THSD7A: variants seen among roughly 807,000 people sequenced by gnomAD.
THSD7A encodes the protein thrombospondin type-1 domain-containing protein 7A.
In THSD7A, 96 loss-of-function variants were observed where a neutral mutation model predicts 231.3. The observed-to-expected ratio is 0.41, with a 90% confidence interval of 0.35 to 0.49. The LOEUF (loss-of-function observed/expected upper bound fraction) is 0.49. Ranked by LOEUF, THSD7A falls within the 20% of genes least tolerant of loss-of-function variation. The pLI, the probability that THSD7A is intolerant of heterozygous loss-of-function variation, is 0.05. For synonymous variants in THSD7A, 940 were observed against 743.3 expected, an observed-to-expected ratio of 1.26 and a Z score of -4.30; for missense variants, 2,290 against 2,070.2, an observed-to-expected ratio of 1.11 and a Z score of -2.06.
Position 11,638,837 on chromosome 7 carries a change from T to A in THSD7A, c.191-1876A>T, listed in dbSNP as rs149240995. Among the ~76,000 whole-genome samples the A allele has an allele frequency of 1.4e-3, 211 of 152,290 alleles. 1 individual carries two copies. Among genetic ancestry groups the A allele is most frequent in the African/African-American group, 4.7e-3 (197 of 41,570 alleles). On this transcript the variant is annotated intron_variant, in intron 1 of 27. Coordinates refer to ENST00000423059, the MANE Select transcript of THSD7A (RefSeq NM_015204.3). ...CCACCTAATAATATTTTAATCTTAT[T>A]TTTAACTTGCCAAAGAAAAAATATA...
chr7:11,784,491 A>G (rs1412625563), intron 1 of THSD7A, among the ~76,000 whole-genome samples: 1 of 151,644 alleles, frequency 6.6e-6, no homozygotes, highest in African/African-American at 2.4e-5. Flanking sequence ...GCTGCATTAA[A>G]CTTAATTTCT....
chr7:11,421,719 C>T (rs1009107562), intron 16 of THSD7A, among the ~76,000 whole-genome samples: 5 of 152,070 alleles, frequency 3.3e-5, no homozygotes, highest in African/African-American at 1.2e-4. Context: ...GCAAACTTTA[C>T]CTATTTGTAC....
chr7:11,462,474 C>T (rs1457753588), intron 9 of THSD7A, among the ~76,000 whole-genome samples: 1 of 152,140 alleles, frequency 6.6e-6, no homozygotes, highest in Non-Finnish European at 1.5e-5. Flanking sequence ...AATTTATTTT[C>T]CTCTACCTTA....
At chr7:11,447,106 A>G (rs1341232346) in intron 12 of THSD7A, 124 bp downstream of exon 12, 4 of 908,110 alleles carry the variant, frequency 4.4e-6, no homozygotes, top group Non-Finnish European at 6.6e-6. Flanking sequence ...CTAAATTTAA[A>G]ATATACATCT....
At chr7:11,544,783 A>G (rs936933643) in intron 4 of THSD7A, among the ~76,000 whole-genome samples, 1 of 151,842 alleles carries the variant, frequency 6.6e-6, no homozygotes, top group African/African-American at 2.4e-5. Context: ...AGTAGTGCTT[A>G]TCTCTCTCTC....
intron 1 of THSD7A, among the ~76,000 whole-genome samples, chr7:11,705,974 G>A (rs1490833196): frequency 6.6e-6 from 1 of 150,734 alleles, no homozygotes; most frequent in Non-Finnish European, 1.5e-5. Flanking sequence ...ATAAATAATA[G>A]CATTTCTGTT....
At chr7:11,488,520 C>A (rs1041141435) in intron 6 of THSD7A, among the ~76,000 whole-genome samples, 2 of 152,064 alleles carry the variant, frequency 1.3e-5, no homozygotes, top group African/African-American at 4.8e-5. Flanking sequence ...CATATTGCTT[C>A]ATTTTAAATA....
At chr7:11,784,853 G>A (rs552666286) in intron 1 of THSD7A, among the ~76,000 whole-genome samples, 8 of 151,960 alleles carry the variant, frequency 5.3e-5, no homozygotes, top group African/African-American at 9.7e-5. Flanking sequence ...CATAAATTCC[G>A]GGTGTGTGTT....
intron 1 of THSD7A, among the ~76,000 whole-genome samples, chr7:11,665,487 C>T (rs917021122): frequency 6.6e-6 from 1 of 152,166 alleles, no homozygotes; most frequent in Admixed American, 6.6e-5. Flanking sequence ...CTGCCACATA[C>T]ATTCCACACT....
At chr7:11,475,537 G>C (rs1786124977) in intron 7 of THSD7A, among the ~76,000 whole-genome samples, 1 of 150,072 alleles carries the variant, frequency 6.7e-6, no homozygotes, top group African/African-American at 2.4e-5. Context: ...TATTTACTTA[G>C]AAATCAGGGT....
chr7:11,783,658 T>G (rs761958019), intron 1 of THSD7A, among the ~76,000 whole-genome samples: 1 of 152,108 alleles, frequency 6.6e-6, no homozygotes, highest in Non-Finnish European at 1.5e-5. Context: ...CAGGTAAATA[T>G]AGATTTGGGC....
intron 27 of THSD7A, 114 bp from the exon 28 acceptor site, chr7:11,375,992 C>G (rs1235961942): frequency 2.3e-6 from 2 of 879,924 alleles, no homozygotes; most frequent in Admixed American, 2.2e-5. Flanking sequence ...GCCTCGTTGC[C>G]TGCGTTGCCT....
At chr7:11,818,375 G>A (rs1180064190) in intron 1 of THSD7A, among the ~76,000 whole-genome samples, 1 of 152,174 alleles carries the variant, frequency 6.6e-6, no homozygotes, top group East Asian at 1.9e-4. Context: ...GCTGTTAATA[G>A]TGTACTATAT....
chr7:11,747,935 T>C (rs1419274866), intron 1 of THSD7A, among the ~76,000 whole-genome samples: 3 of 151,964 alleles, frequency 2.0e-5, no homozygotes, highest in African/African-American at 7.2e-5. Flanking sequence ...AAACAATTTT[T>C]GCATGACAGA....
intron 13 of THSD7A, among the ~76,000 whole-genome samples, chr7:11,429,987 A>G (rs535356362): frequency 1.2e-4 from 19 of 152,336 alleles, no homozygotes; most frequent in African/African-American, 4.6e-4. Context: ...ATTAAACACT[A>G]TTATTCTCAA....
chr7:11,744,853 T>C (rs551973256), intron 1 of THSD7A, among the ~76,000 whole-genome samples: 2 of 152,252 alleles, frequency 1.3e-5, no homozygotes, highest in South Asian at 4.1e-4. Flanking sequence ...TTTTGGACAT[T>C]TGGCTTGGTT....
At chr7:11,641,173 G>A (rs1439252286) in intron 1 of THSD7A, among the ~76,000 whole-genome samples, 2 of 152,080 alleles carry the variant, frequency 1.3e-5, no homozygotes, top group Non-Finnish European at 2.9e-5. Context: ...TCACATACGT[G>A]TGTGTGTATA....
In THSD7A at chr7:11,734,139, A is replaced by G. The variant is rs189304153; in HGVS notation, c.191-97178T>C. 4.7e-4 allele frequency among the ~76,000 whole-genome samples: 71 copies of G among 152,082 alleles called. 1 individual carries two copies. The highest frequency in any genetic ancestry group is 3.4e-3 in the Middle Eastern group (1 of 294). On this transcript the variant is annotated intron_variant, in intron 1 of 27. Coordinates refer to ENST00000423059, the MANE Select transcript of THSD7A (RefSeq NM_015204.3). Reference sequence around the variant, plus strand: ...CCCCCAAATCCAAGGAAATTCAACTATAAAATGTTTTGAGAAAATAGCTTT... The same window carrying G: ...CCCCCAAATCCAAGGAAATTCAACTGTAAAATGTTTTGAGAAAATAGCTTT...
chr7:11,709,588 C>A (rs1417456508), intron 1 of THSD7A, among the ~76,000 whole-genome samples: 2 of 150,770 alleles, frequency 1.3e-5, no homozygotes, highest in Non-Finnish European at 3.0e-5. Context: ...TCAGTCAATA[C>A]CTGATACACT....
Sources: allele counts gnomAD v4.1 joint callset (sites outside exome capture counted in the v4.1 genomes callset), GRCh38; gene constraint gnomAD v4.1.1; transcripts MANE v1.5; gene names NCBI Gene and HGNC (gene_info 2026-07-23, HGNC 2026-07-21).